Variants in WNT7B observed in about 807,000 individuals in gnomAD.
WNT7B encodes the protein Wnt family member 7B.
A neutral mutation model predicts 38.2 loss-of-function variants in WNT7B; 19 were observed. The ratio of observed to expected loss-of-function variants is 0.50; its 90% CI spans 0.35 to 0.73. The LOEUF is 0.73. Among genes scored for constraint, WNT7B ranks in the 30% least tolerant of loss-of-function variants. WNT7B has a pLI of 0.01. For synonymous variants in WNT7B, 243 were observed against 209.3 expected (o/e 1.16, Z -1.39); for missense variants, 423 against 507.9 (o/e 0.83, Z 1.61).
intron 1 of WNT7B, among the ~76,000 whole-genome samples, chr22:45,962,779 A>C (rs918758020): frequency 6.6e-6 from 1 of 151,632 alleles, no homozygotes; most frequent in African/African-American, 2.4e-5. Flanking sequence ...CCTGGCCCTG[A>C]TGCCACAGAT....
At chr22:45,967,551 C>T (rs1248380445) in intron 1 of WNT7B, among the ~76,000 whole-genome samples, 2 of 125,402 alleles carry the variant, frequency 1.6e-5, no homozygotes, top group African/African-American at 6.1e-5. Flanking sequence ...CACCCACAAC[C>T]GAGCCCTCTA....
chr22:45,930,648 G>A (rs1441399775), intron 3 of WNT7B, among the ~76,000 whole-genome samples: 1 of 152,208 alleles, frequency 6.6e-6, no homozygotes, highest in Non-Finnish European at 1.5e-5. Context: ...CCTTCCTCAG[G>A]CTGCTCCTGC....
At chr22:45,960,575 G>A (rs1442221093) in intron 1 of WNT7B, among the ~76,000 whole-genome samples, 1 of 152,228 alleles carries the variant, frequency 6.6e-6, no homozygotes, top group South Asian at 2.1e-4. Context: ...CCCGGCCCCT[G>A]GCCCTGGCTG....
chr22:45,946,490 C>T (rs1380813562), intron 2 of WNT7B, among the ~76,000 whole-genome samples: 1 of 152,216 alleles, frequency 6.6e-6, no homozygotes, highest in Non-Finnish European at 1.5e-5. Context: ...CTCCTGCCCC[C>T]ACCGTGGCAG....
At chr22:45,957,794 GTGCTAGCC>G (rs895254456) in intron 1 of WNT7B, among the ~76,000 whole-genome samples, 8 of 151,814 alleles carry the variant, frequency 5.3e-5, no homozygotes, top group African/African-American at 1.9e-4. Context: ...CGCACGGGGG[GTGCTAGCC>G]CTTCCTGCAC....
intron 1 of WNT7B, among the ~76,000 whole-genome samples, chr22:45,956,295 G>A (rs375163771): frequency 6.6e-5 from 10 of 152,204 alleles, no homozygotes; most frequent in Non-Finnish European, 1.5e-4. Context: ...ATCCTGTGGC[G>A]TCCACAGCAC....
rs948397243 is a variant in WNT7B, at chr22:45,938,638, G to GA, written c.299-7270dup. ...GGGCAACAAAGCAAGAATCTGTCTT[G>GA]AAAAAAAAAAGAGAGGTACAAATAC... On this transcript the variant is annotated intron_variant, in intron 2 of 3. Coordinates refer to ENST00000339464, the MANE Select transcript of WNT7B (RefSeq NM_058238.3). Among the ~76,000 whole-genome samples the GA allele has an allele frequency of 3.2e-4, 47 of 148,464 alleles. No individual in the cohort carries two copies. In the South Asian group the frequency reaches 4.9e-3, roughly 16 times the overall value.
chr22:45,932,424 C>G (rs543786226), intron 2 of WNT7B, among the ~76,000 whole-genome samples: 16 of 152,108 alleles, frequency 1.1e-4, no homozygotes, highest in Non-Finnish European at 2.1e-4. Flanking sequence ...AGACCCCCCC[C>G]GCCAGAAGGG....
chr22:45,955,739 C>T (rs1376626794), intron 1 of WNT7B, among the ~76,000 whole-genome samples: 1 of 152,204 alleles, frequency 6.6e-6, no homozygotes, highest in East Asian at 1.9e-4. Flanking sequence ...AGTTTCCTTA[C>T]CCCAGCCTGG....
At position 45,976,562 on chromosome 22, in the gene WNT7B, C is replaced by T; in HGVS notation, c.71+122G>A. 9.1e-7 allele frequency: 1 copy of T among 1,099,692 alleles called. No homozygotes were observed. The highest frequency in any genetic ancestry group is 1.3e-6 in the Non-Finnish European group (1 of 756,896). The allele number at this position is 1,099,692 out of a possible 1,614,324, so 68.1% of individuals were successfully genotyped here. ...CGAGGGTCTGACACACGGGCCAGCCCCGGAGCCCAGAGAGCTGCAGTGGCC... is the reference window on the plus strand; with the variant it reads ...CGAGGGTCTGACACACGGGCCAGCCTCGGAGCCCAGAGAGCTGCAGTGGCC... On this transcript the variant is annotated intron_variant, in intron 1 of 3. Coordinates refer to ENST00000339464, the MANE Select transcript of WNT7B (RefSeq NM_058238.3). This position sits in a 1 kb window ranked among gnomAD's most constrained non-coding sequence, Gnocchi z 8.5.
Position 45,965,888 on chromosome 22 carries a change from G to T in WNT7B, c.71+10796C>A, listed in dbSNP as rs999107640. On this transcript the variant is annotated intron_variant, in intron 1 of 3. Transcript: ENST00000339464. The surrounding 1 kb of genome is among the most constrained non-coding windows in gnomAD (Gnocchi z 6.5). ...AGAGGACAGGCAGGAAACGGGACAC[G>T]CAACAGAGCCCGCCCAAGGCTGGAA... is the stretch of plus-strand genomic sequence containing the variant. Among the ~76,000 whole-genome samples, 1 of 152,180 alleles carries T rather than the reference G, an allele frequency of 6.6e-6. No individual in the cohort carries two copies. Among genetic ancestry groups the T allele is most frequent in the South Asian group, 2.1e-4 (1 of 4,820 alleles).
At chr22:45,952,049 A>C (rs1416771607) in intron 1 of WNT7B, among the ~76,000 whole-genome samples, 1 of 152,146 alleles carries the variant, frequency 6.6e-6, no homozygotes, top group Non-Finnish European at 1.5e-5. Context: ...ACCCGCAGGC[A>C]ACAGTGGGTT....
In WNT7B at chr22:45,966,673, A is replaced by G. The variant is rs528409983; in HGVS notation, c.71+10011T>C. ...AGGCTGCTTGGGGGAGCAGGACGTTAGTGTCTTCTGCACACAGCCTCAGAC... is the reference window on the plus strand; with the variant it reads ...AGGCTGCTTGGGGGAGCAGGACGTTGGTGTCTTCTGCACACAGCCTCAGAC... On this transcript the variant is annotated intron_variant, in intron 1 of 3. Coordinates refer to ENST00000339464, the MANE Select transcript of WNT7B (RefSeq NM_058238.3). This position sits in a 1 kb window ranked among gnomAD's most constrained non-coding sequence, Gnocchi z 4.2. Among the ~76,000 whole-genome samples the G allele has an allele frequency of 3.7e-4, 56 of 152,288 alleles. 1 individual carries two copies. The highest frequency in any genetic ancestry group is 3.4e-3 in the Middle Eastern group (1 of 294).
At chr22:45,930,799 G>T (rs369801841) in intron 3 of WNT7B, among the ~76,000 whole-genome samples, 1 of 152,136 alleles carries the variant, frequency 6.6e-6, no homozygotes, top group Admixed American at 6.5e-5. Context: ...CCGCCACGGG[G>T]TCCCCAGCCA....
chr22:45,933,699 G>A (rs1931437583), intron 2 of WNT7B, among the ~76,000 whole-genome samples: 1 of 152,202 alleles, frequency 6.6e-6, no homozygotes, highest in African/African-American at 2.4e-5. Context: ...CCTGGAGGAG[G>A]TTACATCTTA....
intron 2 of WNT7B, among the ~76,000 whole-genome samples, chr22:45,933,681 G>A (rs1442521959): frequency 2.0e-5 from 3 of 152,196 alleles, no homozygotes; most frequent in Non-Finnish European, 4.4e-5. Flanking sequence ...TGGAGTCAAG[G>A]AAGGCTTCCT....
chr22:45,952,638 A>G (rs1336310939), intron 1 of WNT7B, among the ~76,000 whole-genome samples: 1 of 152,256 alleles, frequency 6.6e-6, no homozygotes, highest in Non-Finnish European at 1.5e-5. Context: ...AAATTCTCCC[A>G]GCAGGCTCAG....
At chr22:45,961,246 G>T (rs1304787402) in intron 1 of WNT7B, among the ~76,000 whole-genome samples, 1 of 152,168 alleles carries the variant, frequency 6.6e-6, no homozygotes, top group East Asian at 1.9e-4. Flanking sequence ...TGGGGTGGAG[G>T]GGGGTGGGGC....
chr22:45,925,422 G>T lies in WNT7B; in HGVS notation c.571-2087C>A, dbSNP rs974686474. ...TGATGTCCCTCCCAGGATGGCAGAG[G>T]GTGGGAGGAGCCCGGGTGTCCTGAG... On this transcript the variant is annotated intron_variant, in intron 3 of 3. Coordinates refer to ENST00000339464, the MANE Select transcript of WNT7B (RefSeq NM_058238.3). 3.0e-6 allele frequency: 3 copies of T among 985,316 alleles called. No homozygotes were observed. The South Asian group carries it at 1.4e-4, about 46-fold the overall frequency. 61.0% of individuals were successfully genotyped at this position (985,316 alleles called of 1,614,324 possible).
Sources: allele counts gnomAD v4.1 joint callset (sites outside exome capture counted in the v4.1 genomes callset), GRCh38; gene constraint gnomAD v4.1.1; non-coding constraint Gnocchi (gnomAD v3.1); transcripts MANE v1.5; gene names NCBI Gene and HGNC (gene_info 2026-07-23, HGNC 2026-07-21).